The following ZNF606 variants were observed in gnomAD, a reference collection of about 807,000 sequenced individuals.
ZNF606 encodes the protein zinc finger protein 328.
A neutral mutation model predicts 74.9 loss-of-function variants in ZNF606; 37 were observed. The ratio of observed to expected loss-of-function variants is 0.49; its 90% CI spans 0.38 to 0.65. The LOEUF (loss-of-function observed/expected upper bound fraction) is 0.65, where lower values mean the gene tolerates loss of function less well. Among genes scored for constraint, ZNF606 ranks in the 30% least tolerant of loss-of-function variants. The pLI is 0.00. For missense variants in ZNF606, 852 were observed against 952.9 expected, an observed-to-expected ratio of 0.89 and a Z score of 1.39; for synonymous variants, 328 against 312.4, an observed-to-expected ratio of 1.05 and a Z score of -0.53.
intron 4 of ZNF606, among the ~76,000 whole-genome samples, chr19:57,991,567 G>A (rs1260659002): frequency 6.6e-6 from 1 of 152,058 alleles, no homozygotes; most frequent in Non-Finnish European, 1.5e-5. Flanking sequence ...ACTTTGGGAG[G>A]TCAGGAGTTC....
rs780687741 is a variant in ZNF606 at position 57,979,064 on chromosome 19, G to C, written c.1616C>G (p.Pro539Arg). The change falls in exon 7 of 7, where the codon CCC (proline) becomes CGC (arginine). Residue 539 changes from proline (P) to arginine (R), a missense_variant. Around this residue, in one of 3 missense-constraint regions of ZNF606, gnomAD observed 243 missense variants for 359.2 expected, o/e 0.68. Transcript: ENST00000551380. ...TTTTTCACATTCATCACATTTAAAG[G>C]GTTTCTCTCCAGTATGCATTCTCAT... ...AHMRMHTGEKPFKCDECEKAF... is the reference protein window; with the variant it reads ...AHMRMHTGEKRFKCDECEKAF... 1 of 1,614,046 alleles carries C rather than the reference G, an allele frequency of 6.2e-7. No homozygotes were observed. The highest frequency in any genetic ancestry group is 8.5e-7 in the Non-Finnish European group (1 of 1,180,004).
chr19:57,989,558 T>C (rs889263412), intron 4 of ZNF606, among the ~76,000 whole-genome samples: 1 of 151,968 alleles, frequency 6.6e-6, no homozygotes, highest in African/African-American at 2.4e-5. Flanking sequence ...GTGATCCTCC[T>C]GCCTCAGCCT....
At position 57,999,820 on chromosome 19, in the gene ZNF606, T is replaced by C; in HGVS notation, c.165A>G (p.Ala55=). 1.2e-6 allele frequency: 2 copies of C among 1,614,114 alleles called. No homozygotes were observed. Among genetic ancestry groups the C allele is most frequent in the Non-Finnish European group, 1.7e-6 (2 of 1,180,020 alleles). Reference sequence around the variant, plus strand: ...AGCCCCATCTCACCTGAACCTGGGCTGCTGGGAGCCCAGTGGCCCTCCTCC... The same window carrying C: ...AGCCCCATCTCACCTGAACCTGGGCCGCTGGGAGCCCAGTGGCCCTCCTCC... ...EEGRRATGLP[A]AQVQEPVTFK... The change falls in exon 4 of 7, where the codon GCA becomes GCG. Residue 55 remains alanine, a synonymous_variant. Transcript: ENST00000551380.
chr19:58,001,508 A>C, intron 1 of ZNF606, 138 bp from the exon 2 acceptor site: 1 of 652,968 alleles, frequency 1.5e-6, no homozygotes, highest in Non-Finnish European at 2.7e-6. Flanking sequence ...TTACATGTCA[A>C]AAAAGTAACA....
At chr19:57,997,221 C>T (rs1014895325) in intron 4 of ZNF606, among the ~76,000 whole-genome samples, 2 of 152,202 alleles carry the variant, frequency 1.3e-5, no homozygotes, top group East Asian at 1.9e-4. Flanking sequence ...TGAATGCTTC[C>T]GTATTTGGAA....
upstream of ZNF606, chr19:58,003,251 G>T: frequency 2.2e-6 from 1 of 456,736 alleles, no homozygotes; most frequent in South Asian, 1.5e-5. Flanking sequence ...TGTGAAGCTC[G>T]ACGGCTGAGA....
intron 1 of ZNF606, chr19:58,002,087 C>T (rs1007718069): frequency 2.3e-6 from 1 of 437,696 alleles, no homozygotes; most frequent in Admixed American, 2.4e-5. Context: ...CTCAGGAGCA[C>T]CGGAATCAGC....
chr19:57,989,822 G>A (rs1382159310), intron 4 of ZNF606, among the ~76,000 whole-genome samples: 1 of 151,604 alleles, frequency 6.6e-6, no homozygotes, highest in African/African-American at 2.4e-5. Context: ...AGAGTCCTAG[G>A]TGGGCGGATC....
chr19:57,993,002 C>A (rs979038838), intron 4 of ZNF606, among the ~76,000 whole-genome samples: 7 of 152,092 alleles, frequency 4.6e-5, no homozygotes, highest in African/African-American at 1.7e-4. Context: ...TCCAGGTGGC[C>A]CAGTGTAATC....
rs1206640273 is a variant in ZNF606 at position 57,978,571 on chromosome 19, A to G, written c.2109T>C (p.Thr703=). The change falls in exon 7 of 7, where the codon ACT becomes ACC. Residue 703 remains threonine, a synonymous_variant. Transcript: ENST00000551380. The surrounding 1 kb of genome is among the most constrained non-coding windows in gnomAD (Gnocchi z 4.4). ...CATTACACCTGTATGGTTTCTCTCCAGTATGAGTTCTCCGGTGTGCAATGA... is the reference window on the plus strand; with the variant it reads ...CATTACACCTGTATGGTTTCTCTCCGGTATGAGTTCTCCGGTGTGCAATGA... ...SHLIAHRRTH[T]GEKPYRCNEC... 5 of 1,614,040 alleles carry G rather than the reference A, an allele frequency of 3.1e-6. No individual in the cohort carries two copies. Among genetic ancestry groups the G allele is most frequent in the Admixed American group, 1.7e-5 (1 of 59,996 alleles).
chr19:57,993,053 A>G (rs1946657909), intron 4 of ZNF606, among the ~76,000 whole-genome samples: 1 of 152,146 alleles, frequency 6.6e-6, no homozygotes, highest in South Asian at 2.1e-4. Context: ...CAGGAGTCAG[A>G]GTCACAGGAG....
chr19:57,988,559 G>T, intron 5 of ZNF606, 36 bp downstream of exon 5: 3 of 1,599,484 alleles, frequency 1.9e-6, no homozygotes, highest in Admixed American at 3.4e-5. Context: ...ATTACCATGG[G>T]AACAGCTTCG....
chr19:58,001,471 G>C (rs942725711), intron 1 of ZNF606, 101 bp from the exon 2 acceptor site: 5 of 835,404 alleles, frequency 6.0e-6, no homozygotes, highest in African/African-American at 1.7e-5. Context: ...AAAAAAACTT[G>C]TAAGGAGCAT....
chr19:58,001,659 AATT>A (rs967277326), intron 1 of ZNF606, among the ~76,000 whole-genome samples: 136 of 152,356 alleles, frequency 8.9e-4, no homozygotes, highest in African/African-American at 3.1e-3. Flanking sequence ...TTAATCTGAC[AATT>A]ATTGTAAAAT....
At chr19:57,983,039 A>G (rs551726745) in intron 6 of ZNF606, among the ~76,000 whole-genome samples, 8 of 152,284 alleles carry the variant, frequency 5.3e-5, no homozygotes, top group African/African-American at 1.9e-4. Context: ...AATTATCTTC[A>G]TATAGATTTT....
At position 57,978,987 on chromosome 19, in the gene ZNF606, C is replaced by T; in HGVS notation, c.1693G>A (p.Ala565Thr). 3 of 1,614,054 alleles carry T rather than the reference C, an allele frequency of 1.9e-6. No individual in the cohort carries two copies. The highest frequency in any genetic ancestry group is 2.5e-6 in the Non-Finnish European group (3 of 1,179,992). The stretch of plus-strand genomic sequence containing the variant: ...CATTCAGTACATTTATATGGTTTTG[C>T]TCCAGAATGAGTTCTTTCATGTTTA... ...LSKHERTHSGAKPYKCTECGK... is the reference protein window; with the variant it reads ...LSKHERTHSGTKPYKCTECGK... Residue 565 changes from alanine (A) to threonine (T), a missense_variant, in exon 7 of 7, where the codon GCA becomes ACA. By Grantham distance (58) the Ala-to-Thr change is moderately conservative. Around this residue, in one of 3 missense-constraint regions of ZNF606, gnomAD observed 243 missense variants for 359.2 expected, o/e 0.68. Transcript: ENST00000551380. The surrounding 1 kb of genome is among the most constrained non-coding windows in gnomAD (Gnocchi z 4.4).
chr19:58,001,308 G>C lies in ZNF606; in HGVS notation c.12C>G (p.Ile4Met), dbSNP rs1300850957. Reference protein sequence around the residue: MAAINPWASWGALT... With the variant: MAAMNPWASWGALT... ...ACTCACCCCAGGAGGCCCACGGGTT[G>C]ATGGCTGCCATCCCGAGGACTGATT... The change falls in exon 2 of 7, where the codon ATC (isoleucine) becomes ATG (methionine). Residue 4 changes from isoleucine (I) to methionine (M), a missense_variant. By Grantham distance (10) the Ile-to-Met change is conservative. This residue lies in a region of ZNF606 where 545 missense variants were observed against 542.5 expected (regional missense o/e 1.00). Transcript: ENST00000551380. The C allele has an allele frequency of 3.7e-6, 6 of 1,614,194 alleles. No homozygotes were observed. Among genetic ancestry groups the C allele is most frequent in the Non-Finnish European group, 5.1e-6 (6 of 1,180,018 alleles).
At chr19:58,000,364 G>A in intron 3 of ZNF606, 1 of 539,908 alleles carries the variant, frequency 1.9e-6, no homozygotes, top group East Asian at 3.1e-5. Flanking sequence ...TGGGACTACA[G>A]GCGCCCACCA....
chr19:57,978,979 T>G lies in ZNF606; in HGVS notation c.1701A>C (p.Pro567=). The G allele has an allele frequency of 1.2e-6, 2 of 1,612,996 alleles. No homozygotes were observed. The highest frequency in any genetic ancestry group is 8.5e-7 in the Non-Finnish European group (1 of 1,179,642). ...KHERTHSGAK[P]YKCTECGKSF... The stretch of plus-strand genomic sequence containing the variant: ...ATTTTCCACATTCAGTACATTTATA[T>G]GGTTTTGCTCCAGAATGAGTTCTTT... Residue 567 remains proline (P), a synonymous_variant, in exon 7 of 7, where the codon CCA becomes CCC. Coordinates refer to ENST00000551380, the MANE Select transcript of ZNF606 (RefSeq NM_001348022.3). The surrounding 1 kb of genome is among the most constrained non-coding windows in gnomAD (Gnocchi z 4.4).
Sources: allele counts gnomAD v4.1 joint callset (sites outside exome capture counted in the v4.1 genomes callset), GRCh38; gene constraint gnomAD v4.1.1; regional missense constraint gnomAD v4.1.1; non-coding constraint Gnocchi (gnomAD v3.1); transcripts MANE v1.5; gene names NCBI Gene and HGNC (gene_info 2026-07-23, HGNC 2026-07-21).